Variants in MFSD2B observed in about 807,000 individuals in gnomAD.
The protein encoded by MFSD2B is MFSD2 lysolipid transporter B, sphingolipid, also known as sphingosine-1-phosphate transporter MFSD2B.
A neutral mutation model predicts 58.4 loss-of-function variants in MFSD2B; 56 were observed. That is an observed-to-expected ratio of 0.96 (90% CI 0.77 to 1.20). The LOEUF (loss-of-function observed/expected upper bound fraction) is 1.20, where lower values mean the gene tolerates loss of function less well. MFSD2B is among the 50% of genes most tolerant of loss of function. MFSD2B has a pLI of 0.00. For missense variants in MFSD2B, 645 were observed against 667.6 expected, an observed-to-expected ratio of 0.97 and a Z score of 0.37; for synonymous variants, 287 against 294.4, an observed-to-expected ratio of 0.97 and a Z score of 0.26.
Position 24,022,443 on chromosome 2 carries a change from G to A in MFSD2B, c.905G>A (p.Ser302Asn), listed in dbSNP as rs1021467823. ...FISAAVQVEQ[S>N]YLVLFCTHAS... is the part of the protein sequence containing the mutation. The stretch of plus-strand genomic sequence containing the variant: ...TGTCCATCTCCTCAGGTGGAGCAGA[G>A]CTACCTGGTCCTGTTCTGTACACAT... Residue 302 changes from serine to asparagine, a missense_variant, in exon 9 of 14, where the codon AGC (serine) becomes AAC (asparagine). By Grantham distance (46) the Ser-to-Asn change is conservative. Transcript: ENST00000338315. The surrounding 1 kb of genome is among the most constrained non-coding windows in gnomAD (Gnocchi z 4.5). The A allele has an allele frequency of 1.2e-6, 2 of 1,612,962 alleles. No individual in the cohort carries two copies. The highest frequency in any genetic ancestry group is 1.7e-5 in the Admixed American group (1 of 59,888).
rs778896228 is a variant in MFSD2B, at chr2:24,024,179, C to G, written c.1398C>G (p.Thr466=). 5 of 1,613,796 alleles carry G rather than the reference C, an allele frequency of 3.1e-6. No homozygotes were observed. The highest frequency in any genetic ancestry group is 2.2e-5 in the East Asian group (1 of 44,878). ...AAGTCCTCATTGGCGCCGTGCCCACCTGCATGATCCTTGCTGGGCTCTGCA... is the reference window on the plus strand; with the variant it reads ...AAGTCCTCATTGGCGCCGTGCCCACGTGCATGATCCTTGCTGGGCTCTGCA... The part of the protein sequence containing the change: ...TLKVLIGAVP[T]CMILAGLCIL... Residue 466 remains threonine, a synonymous_variant, in exon 13 of 14, where the codon ACC becomes ACG. Transcript: ENST00000338315. The surrounding 1 kb of genome is among the most constrained non-coding windows in gnomAD (Gnocchi z 4.3).
Position 24,024,440 on chromosome 2 carries a change from GC to G in MFSD2B, c.1490+171del. On this transcript the variant is annotated intron_variant, in intron 13 of 13. Coordinates refer to ENST00000338315, the MANE Select transcript of MFSD2B (RefSeq NM_001346880.2). This position sits in a 1 kb window ranked among gnomAD's most constrained non-coding sequence, Gnocchi z 4.3. Reference sequence around the variant, plus strand: ...TCCTGGATTTTCTTCTCCCACTCTGGCCACCCCTTCTCAGTCTTCTTCCTTT... The same window carrying G: ...TCCTGGATTTTCTTCTCCCACTCTGGCACCCCTTCTCAGTCTTCTTCCTTT... 2.9e-6 allele frequency: 2 copies of G among 683,232 alleles called. No homozygotes were observed. Among genetic ancestry groups the G allele is most frequent in the African/African-American group, 1.8e-5 (1 of 55,470 alleles). 42.3% of individuals were successfully genotyped at this position (683,232 alleles called of 1,614,324 possible). A position where few individuals can be genotyped will look rare whatever the true frequency, so the allele number is the denominator to read the frequency against.
At position 24,017,045 on chromosome 2, in the gene MFSD2B, G is replaced by C; in HGVS notation, c.471+77G>C. 1.9e-6 allele frequency: 3 copies of C among 1,578,136 alleles called. No individual in the cohort carries two copies. Among genetic ancestry groups the C allele is most frequent in the Non-Finnish European group, 2.6e-6 (3 of 1,164,460 alleles). On this transcript the variant is annotated intron_variant, in intron 4 of 13. Coordinates refer to ENST00000338315, the MANE Select transcript of MFSD2B (RefSeq NM_001346880.2). This position sits in a 1 kb window ranked among gnomAD's most constrained non-coding sequence, Gnocchi z 4.8. The stretch of plus-strand genomic sequence containing the variant: ...CATGGCCACTCTGAAGTGTGCTGTG[G>C]GGGCAGGGCTGCCGCCCTCCCCACC...
rs1424174157 is a variant in MFSD2B, at chr2:24,021,289, T to C, written c.682-359T>C. Among the ~76,000 whole-genome samples the C allele has an allele frequency of 2.0e-5, 3 of 152,186 alleles. No homozygotes were observed. The highest frequency in any genetic ancestry group is 7.2e-5 in the African/African-American group (3 of 41,440). ...GTCTTCCTCCCCACACTCTGAGCCC[T>C]GTGGATGGACAGGGCTCACTTATTC... On this transcript the variant is annotated intron_variant, in intron 6 of 13. Transcript: ENST00000338315. This position sits in a 1 kb window ranked among gnomAD's most constrained non-coding sequence, Gnocchi z 5.7.
chr2:24,011,452 TGGTTTTCCCCTGTG>T (rs1280594782), intron 1 of MFSD2B, among the ~76,000 whole-genome samples: 1 of 152,182 alleles, frequency 6.6e-6, no homozygotes, highest in Admixed American at 6.5e-5. Flanking sequence ...GCCCCCAGTG[TGGTTTTCCCCTGTG>T]GGTAGGAAGA....
At chr2:24,019,580 G>A (rs1341034624) in intron 6 of MFSD2B, among the ~76,000 whole-genome samples, 2 of 151,988 alleles carry the variant, frequency 1.3e-5, no homozygotes, top group Non-Finnish European at 2.9e-5. Flanking sequence ...AAAATTAGCC[G>A]GGCATGGTGG....
In MFSD2B at chr2:24,017,602, G is replaced by C. The variant is rs992414818; in HGVS notation, c.681+14G>C. 1 of 1,538,664 alleles carries C rather than the reference G, an allele frequency of 6.5e-7. No individual in the cohort carries two copies. The highest frequency in any genetic ancestry group is 8.8e-7 in the Non-Finnish European group (1 of 1,139,936). On this transcript the variant is annotated intron_variant, in intron 6 of 13. Coordinates refer to ENST00000338315, the MANE Select transcript of MFSD2B (RefSeq NM_001346880.2). The surrounding 1 kb of genome is among the most constrained non-coding windows in gnomAD (Gnocchi z 4.8). The stretch of plus-strand genomic sequence containing the variant: ...TCCCCGAATGCAGTAAGTGCACTGG[G>C]TGGCAAGGCCCCCCAACCTGGGGTC...
chr2:24,016,780 G>A, intron 3 of MFSD2B, 65 bp from the exon 4 acceptor site: 12 of 1,590,456 alleles, frequency 7.5e-6, no homozygotes, highest in Non-Finnish European at 1.0e-5. Context: ...GTTCCTCCAG[G>A]CTGGGCCCTT....
In MFSD2B at chr2:24,024,100, C is replaced by G; in HGVS notation, c.1319C>G (p.Ser440Trp). ...LGISTLSLEF[S>W]GYKAGVCKQA... is the part of the protein sequence containing the mutation. ...GCTGGCTGATGTTTCTCCAGGTTCT[C>G]GGGGTATAAGGCAGGGGTCTGCAAG... The change falls in exon 13 of 14, where the codon TCG becomes TGG. Residue 440 changes from serine to tryptophan, a missense_variant. Physicochemically the swap from Ser to Trp is radical, Grantham distance 177 (BLOSUM62 -3). Transcript: ENST00000338315. This position sits in a 1 kb window ranked among gnomAD's most constrained non-coding sequence, Gnocchi z 4.3. 1 of 1,613,590 alleles carries G rather than the reference C, an allele frequency of 6.2e-7. No homozygotes were observed. Among genetic ancestry groups the G allele is most frequent in the African/African-American group, 1.3e-5 (1 of 75,024 alleles).
intron 3 of MFSD2B, 39 bp from the exon 4 acceptor site, chr2:24,016,806 G>C: frequency 1.2e-6 from 2 of 1,608,034 alleles, no homozygotes; most frequent in Non-Finnish European, 1.7e-6. Flanking sequence ...TCCCCTGTCT[G>C]GGTCGGGGGG....
Position 24,025,968 on chromosome 2 carries a change from C to G in MFSD2B, c.*512C>G, listed in dbSNP as rs1397940991. 1.3e-5 allele frequency: 2 copies of G among 153,816 alleles called. No individual in the cohort carries two copies. Among genetic ancestry groups the G allele is most frequent in the African/African-American group, 4.8e-5 (2 of 41,468 alleles). The allele number at this position is 153,816 out of a possible 1,614,324, so 9.5% of individuals were successfully genotyped here. A position where few individuals can be genotyped will look rare whatever the true frequency, so the allele number is the denominator to read the frequency against. On this transcript the variant is annotated 3_prime_UTR_variant, in exon 14 of 14. Coordinates refer to ENST00000338315, the MANE Select transcript of MFSD2B (RefSeq NM_001346880.2). The stretch of plus-strand genomic sequence containing the variant: ...CGATCTCCTGACCTCGTGATCCGCC[C>G]CGCCTCAGCCTCCCAAAGGCATGAG...
rs780620360 is a variant in MFSD2B at position 24,010,167 on chromosome 2, C to A, written c.71C>A (p.Pro24Gln). 38 of 1,447,080 alleles carry A rather than the reference C, an allele frequency of 2.6e-5. No individual in the cohort carries two copies. The South Asian group carries it at 5.0e-4, about 19-fold the overall frequency. 89.6% of individuals were successfully genotyped at this position (1,447,080 alleles called of 1,614,324 possible). The stretch of plus-strand genomic sequence containing the variant: ...GAGCCGCACGCCCCAGAGCCCGGCC[C>A]GGGGAGCGCCAAGCGAGGGCGAGAG... ...QPEPHAPEPG[P>Q]GSAKRGREDS... is the part of the protein sequence containing the mutation. Residue 24 changes from proline (P) to glutamine (Q), a missense_variant, in exon 1 of 14, where the codon CCG becomes CAG. Coordinates refer to ENST00000338315, the MANE Select transcript of MFSD2B (RefSeq NM_001346880.2).
chr2:24,010,144 G>T lies in MFSD2B; in HGVS notation c.48G>T (p.Glu16Asp). 1 of 1,464,304 alleles carries T rather than the reference G, an allele frequency of 6.8e-7. No individual in the cohort carries two copies. The highest frequency in any genetic ancestry group is 2.4e-5 in the Admixed American group (1 of 41,964). The allele number at this position is 1,464,304 out of a possible 1,614,324, so 90.7% of individuals were successfully genotyped here. A position where few individuals can be genotyped will look rare whatever the true frequency, so the allele number is the denominator to read the frequency against. Reference protein sequence around the residue: ...APAAKGSPQPEPHAPEPGPGS... With the variant: ...APAAKGSPQPDPHAPEPGPGS... ...CCGCCAAGGGGTCCCCGCAGCCGGA[G>T]CCGCACGCCCCAGAGCCCGGCCCGG... The change falls in exon 1 of 14, where the codon GAG (glutamate) becomes GAT (aspartate). Residue 16 changes from glutamate to aspartate, a missense_variant. Glu to Asp is a conservative substitution (Grantham distance 45). Transcript: ENST00000338315.
At chr2:24,011,333 G>T (rs144696581) in intron 1 of MFSD2B, among the ~76,000 whole-genome samples, 84 of 152,350 alleles carry the variant, frequency 5.5e-4, no homozygotes, top group African/African-American at 2.0e-3. Flanking sequence ...GGGGATACAA[G>T]AGTCCCCATT....
chr2:24,013,711 C>T (rs952835379), intron 2 of MFSD2B, among the ~76,000 whole-genome samples: 2 of 151,496 alleles, frequency 1.3e-5, no homozygotes, highest in South Asian at 2.1e-4. Flanking sequence ...GCTTTGAATG[C>T]GGCCCCACAC....
chr2:24,023,279 G>T lies in MFSD2B; in HGVS notation c.1169+40G>T, dbSNP rs1017174666. The T allele has an allele frequency of 2.0e-6, 3 of 1,510,710 alleles. No homozygotes were observed. Among genetic ancestry groups the T allele is most frequent in the African/African-American group, 2.7e-5 (2 of 72,944 alleles). The allele number at this position is 1,510,710 out of a possible 1,614,324, so 93.6% of individuals were successfully genotyped here. On this transcript the variant is annotated intron_variant, in intron 11 of 13. Coordinates refer to ENST00000338315, the MANE Select transcript of MFSD2B (RefSeq NM_001346880.2). This position sits in a 1 kb window ranked among gnomAD's most constrained non-coding sequence, Gnocchi z 5.0. ...GGGGCCTCACGTGTGTCCACAGTGG[G>T]TGTCACCTCCTTCATGTAAACCTGC...
chr2:24,021,525 G>GGAGAGCA lies in MFSD2B; in HGVS notation c.682-123_682-122insGAGAGCA. On this transcript the variant is annotated intron_variant, in intron 6 of 13. Transcript: ENST00000338315. The surrounding 1 kb of genome is among the most constrained non-coding windows in gnomAD (Gnocchi z 5.7). Reference sequence around the variant, plus strand: ...GGTGATTGGGAGGTGGGGACCCAGCGTCCTGGGCTTGGGTTGTGCCTCCCT... The same window carrying GGAGAGCA: ...GGTGATTGGGAGGTGGGGACCCAGCGGAGAGCATCCTGGGCTTGGGTTGTGCCTCCCT... 1.2e-6 allele frequency: 1 copy of GGAGAGCA among 834,160 alleles called. No homozygotes were observed. The highest frequency in any genetic ancestry group is 1.9e-6 in the Non-Finnish European group (1 of 513,772). The allele number at this position is 834,160 out of a possible 1,614,324, so 51.7% of individuals were successfully genotyped here. A position where few individuals can be genotyped will look rare whatever the true frequency, so the allele number is the denominator to read the frequency against.
rs531128708 is a variant in MFSD2B at position 24,023,692 on chromosome 2, G to A, written c.1279G>A (p.Ala427Thr). 9.9e-6 allele frequency: 16 copies of A among 1,613,932 alleles called. No individual in the cohort carries two copies. The highest frequency in any genetic ancestry group is 8.3e-5 in the Admixed American group (5 of 60,012). Residue 427 changes from alanine to threonine, a missense_variant, in exon 12 of 14, where the codon GCA becomes ACA. Coordinates refer to ENST00000338315, the MANE Select transcript of MFSD2B (RefSeq NM_001346880.2). This position sits in a 1 kb window ranked among gnomAD's most constrained non-coding sequence, Gnocchi z 5.0. ...CGTCTTCTTCACCAAGCTGTCTGGCGCATGTGCCCTGGGCATCTCCACCCT... is the reference window on the plus strand; with the variant it reads ...CGTCTTCTTCACCAAGCTGTCTGGCACATGTGCCCTGGGCATCTCCACCCT... ...SYVFFTKLSG[A>T]CALGISTLSL...
chr2:24,026,265 T>C lies in MFSD2B; in HGVS notation c.*809T>C, dbSNP rs929872365. ...ATGTATGTATATAAATATATAGAAA[T>C]CCTAAATGGTCCCTGTGACATAAGA... On this transcript the variant is annotated 3_prime_UTR_variant, in exon 14 of 14. Transcript: ENST00000338315. 1 of 152,196 alleles carries C rather than the reference T, an allele frequency of 6.6e-6. No homozygotes were observed. The highest frequency in any genetic ancestry group is 2.4e-5 in the African/African-American group (1 of 41,434). 9.4% of individuals were successfully genotyped at this position (152,196 alleles called of 1,614,324 possible).
Sources: allele counts gnomAD v4.1 joint callset (sites outside exome capture counted in the v4.1 genomes callset), GRCh38; gene constraint gnomAD v4.1.1; non-coding constraint Gnocchi (gnomAD v3.1); transcripts MANE v1.5; gene names NCBI Gene and HGNC (gene_info 2026-07-23, HGNC 2026-07-21).